The following COL28A1 variants were observed in gnomAD, a reference collection of about 807,000 sequenced individuals.
The protein encoded by COL28A1 is collagen type XXVIII alpha 1 chain.
In COL28A1, 161 loss-of-function variants were observed where a neutral mutation model predicts 150.2. The ratio of observed to expected loss-of-function variants is 1.07; its 90% CI spans 0.94 to 1.22. The LOEUF is 1.22. Among genes scored for constraint, COL28A1 ranks in the 50% most tolerant of loss-of-function variants. The pLI, the probability that COL28A1 is intolerant of heterozygous loss-of-function variation, is 0.00. For missense variants in COL28A1, 1,617 were observed against 1,388.3 expected (o/e 1.16, Z -2.62); for synonymous variants, 552 against 469.7 (o/e 1.18, Z -2.26).
intron 25 of COL28A1, among the ~76,000 whole-genome samples, chr7:7,428,840 A>C (rs950685969): frequency 6.6e-6 from 1 of 152,234 alleles, no homozygotes; most frequent in Admixed American, 6.5e-5. Context: ...GAAATATCTC[A>C]GAAGGTCTTG....
chr7:7,416,690 G>A (rs148482368), intron 27 of COL28A1, among the ~76,000 whole-genome samples: 3 of 152,166 alleles, frequency 2.0e-5, no homozygotes, highest in East Asian at 1.9e-4. Context: ...TACTCAGCCC[G>A]AGAGATGAAC....
intron 15 of COL28A1, among the ~76,000 whole-genome samples, chr7:7,471,102 A>AC (rs1246679616): frequency 1.4e-5 from 2 of 142,232 alleles, no homozygotes; most frequent in African/African-American, 5.3e-5. Flanking sequence ...CCTAAAACTT[A>AC]GAGTATAATA....
At position 7,373,485 on chromosome 7, in the gene COL28A1, T is replaced by C; in HGVS notation, c.2421A>G (p.Glu807=). 2 of 1,614,144 alleles carry C rather than the reference T, an allele frequency of 1.2e-6. No homozygotes were observed. The highest frequency in any genetic ancestry group is 1.1e-5 in the South Asian group (1 of 91,088). Residue 807 remains glutamate (E), a synonymous_variant, in exon 32 of 35, where the codon GAA becomes GAG. Transcript: ENST00000399429. This position sits in a 1 kb window ranked among gnomAD's most constrained non-coding sequence, Gnocchi z 4.1. ...LELVFVIDSS[E]SVGPENFQII... ...TCTGAAAGTTCTCTGGCCCCACGCTTTCTGAGCTGTCGATCACAAACACCA... is the reference window on the plus strand; with the variant it reads ...TCTGAAAGTTCTCTGGCCCCACGCTCTCTGAGCTGTCGATCACAAACACCA...
At chr7:7,358,914 A>G (rs1780475814) in intron 34 of COL28A1, 109 bp from the exon 35 acceptor site, 1 of 852,566 alleles carries the variant, frequency 1.2e-6, no homozygotes, top group Admixed American at 3.1e-5. Context: ...ATGCACACTA[A>G]CAAACCAAGA....
At chr7:7,419,749 A>G (rs1374569549) in intron 26 of COL28A1, 136 bp downstream of exon 26, 2 of 459,534 alleles carry the variant, frequency 4.4e-6, no homozygotes, top group Non-Finnish European at 7.7e-6. Context: ...CCTGATATGA[A>G]AAATAAGACG....
At chr7:7,529,406 T>A (rs906001316) in intron 3 of COL28A1, among the ~76,000 whole-genome samples, 19 of 152,060 alleles carry the variant, frequency 1.2e-4, no homozygotes, top group African/African-American at 4.6e-4. Flanking sequence ...CCTGTAAGTG[T>A]TTGGAAAGCA....
intron 21 of COL28A1, among the ~76,000 whole-genome samples, chr7:7,440,064 C>T (rs16878046): frequency 0.095 from 14,391 of 152,216 alleles, 881 homozygotes; most frequent in Middle Eastern, 0.21. Flanking sequence ...TGTTTCCTGA[C>T]ACATTCAAAT....
chr7:7,388,394 T>C (rs1251171792), intron 27 of COL28A1, among the ~76,000 whole-genome samples: 1 of 152,208 alleles, frequency 6.6e-6, no homozygotes, highest in Non-Finnish European at 1.5e-5. Context: ...GCCACTTTTC[T>C]TTATCCAGTC....
At position 7,456,212 on chromosome 7, in the gene COL28A1, T is replaced by C. The variant is rs938774846; in HGVS notation, c.1303-100A>G. 6.4e-6 allele frequency: 9 copies of C among 1,395,924 alleles called. No homozygotes were observed. In the African/African-American group the frequency reaches 1.0e-4, roughly 16 times the overall value. 86.5% of individuals were successfully genotyped at this position (1,395,924 alleles called of 1,614,324 possible). On this transcript the variant is annotated intron_variant, in intron 15 of 34. Coordinates refer to ENST00000399429, the MANE Select transcript of COL28A1 (RefSeq NM_001037763.3). ...TGGGCTGTGTTAAAATCTATCTTTA[T>C]ACTATAAAAAAAATTCAACATGGAA...
intron 33 of COL28A1, among the ~76,000 whole-genome samples, chr7:7,360,779 TAC>T (rs144070942): frequency 6.6e-6 from 1 of 151,930 alleles, no homozygotes; most frequent in Admixed American, 6.6e-5. Context: ...TATACACACA[TAC>T]ACACACACAC....
chr7:7,432,451 G>C (rs761141242), intron 25 of COL28A1, 22 bp downstream of exon 25: 2 of 1,608,780 alleles, frequency 1.2e-6, no homozygotes, highest in Non-Finnish European at 1.7e-6. Flanking sequence ...AAGCTAGTAC[G>C]TTGCCTACTT....
At chr7:7,409,794 G>C (rs1216697665) in intron 27 of COL28A1, among the ~76,000 whole-genome samples, 1 of 152,114 alleles carries the variant, frequency 6.6e-6, no homozygotes, top group Non-Finnish European at 1.5e-5. Flanking sequence ...GCAGTGTAGG[G>C]AGTGTGGTAT....
rs367966272 is a variant in COL28A1, at chr7:7,494,825, T to C, written c.1027-4179A>G. 1.6e-4 allele frequency among the ~76,000 whole-genome samples: 24 copies of C among 152,236 alleles called. No homozygotes were observed. The East Asian group carries it at 1.9e-3, about 12-fold the overall frequency. On this transcript the variant is annotated intron_variant, in intron 11 of 34. Transcript: ENST00000399429. ...AGACTCTGAGGCAGAAATGTTTAAT[T>C]CTACCTTAAGGAATTGGGAAAGTTT... is the stretch of plus-strand genomic sequence containing the variant.
intron 27 of COL28A1, among the ~76,000 whole-genome samples, chr7:7,401,424 C>T (rs1783200680): frequency 6.6e-6 from 1 of 152,128 alleles, no homozygotes; most frequent in African/African-American, 2.4e-5. Flanking sequence ...ACCTACTCGG[C>T]AGGTCCATTT....
At chr7:7,463,739 G>A (rs1305945911) in intron 15 of COL28A1, among the ~76,000 whole-genome samples, 1 of 151,974 alleles carries the variant, frequency 6.6e-6, no homozygotes, top group East Asian at 1.9e-4. Context: ...AAATTTCACA[G>A]GACCTATAAA....
chr7:7,519,516 T>C (rs574999470), intron 6 of COL28A1, among the ~76,000 whole-genome samples: 2 of 152,350 alleles, frequency 1.3e-5, no homozygotes, highest in East Asian at 3.9e-4. Flanking sequence ...GCTGTTGTTC[T>C]TGAACTTGGA....
chr7:7,406,053 T>C (rs1433788351), intron 27 of COL28A1, among the ~76,000 whole-genome samples: 3 of 152,190 alleles, frequency 2.0e-5, no homozygotes, highest in Admixed American at 6.5e-5. Flanking sequence ...TTTATAGTGA[T>C]AATTTGATCA....
At chr7:7,374,899 T>C (rs986815893) in intron 31 of COL28A1, among the ~76,000 whole-genome samples, 8 of 152,182 alleles carry the variant, frequency 5.3e-5, no homozygotes, top group Admixed American at 5.2e-4. Flanking sequence ...CTCTTGTCTT[T>C]TGGCTAATTT....
intron 27 of COL28A1, among the ~76,000 whole-genome samples, chr7:7,387,964 T>C (rs778743691): frequency 1.3e-5 from 2 of 152,206 alleles, no homozygotes; most frequent in Non-Finnish European, 2.9e-5. Flanking sequence ...AGGAGGCTTC[T>C]ACTGTTACCA....
Sources: gnomAD v4.1 joint callset for allele counts (sites outside exome capture counted in the v4.1 genomes callset) on GRCh38, gnomAD v4.1.1 for gene constraint, Gnocchi (gnomAD v3.1) non-coding constraint, MANE v1.5 for transcripts, NCBI Gene and HGNC (gene_info 2026-07-23, HGNC 2026-07-21) for gene names.